The following TMEM132D variants were observed in gnomAD, a reference collection of about 807,000 sequenced individuals.
TMEM132D encodes mature OL transmembrane protein.
TMEM132D carries 21 observed loss-of-function variants against 62.3 expected under a neutral mutation model. The ratio of observed to expected loss-of-function variants is 0.34; its 90% CI spans 0.24 to 0.49. TMEM132D has a LOEUF of 0.49. Among genes scored for constraint, TMEM132D ranks in the 20% least tolerant of loss-of-function variants. TMEM132D has a pLI of 0.99. For missense variants in TMEM132D, 1,346 were observed against 1,402.8 expected (o/e 0.96, Z 0.65); for synonymous variants, 621 against 575.6 (o/e 1.08, Z -1.13).
chr12:129,392,295 C>T (rs1186333639), intron 3 of TMEM132D, among the ~76,000 whole-genome samples: 1 of 150,154 alleles, frequency 6.7e-6, no homozygotes, highest in East Asian at 2.0e-4. Flanking sequence ...GACCTCAGGG[C>T]GATCCGCCCA....
rs1053196944 is a variant in TMEM132D at position 129,217,879 on chromosome 12, C to T, written c.1300-8216G>A. Among the ~76,000 whole-genome samples, 3 of 152,256 alleles carry T rather than the reference C, an allele frequency of 2.0e-5. No individual in the cohort carries two copies. The South Asian group carries it at 6.2e-4, about 32-fold the overall frequency. ...AGATAGTTTTTGCTTTTCCTACCTC[C>T]TTTTGTATAAGAGGACATCCATTTT... On this transcript the variant is annotated intron_variant, in intron 4 of 8. Coordinates refer to ENST00000422113, the MANE Select transcript of TMEM132D (RefSeq NM_133448.3).
chr12:129,381,069 T>G (rs1159088130), intron 3 of TMEM132D, among the ~76,000 whole-genome samples: 1 of 152,198 alleles, frequency 6.6e-6, no homozygotes, highest in Non-Finnish European at 1.5e-5. Context: ...AGTAGCAACT[T>G]TGATACAAAT....
chr12:129,533,699 C>A (rs1876294168), intron 2 of TMEM132D, among the ~76,000 whole-genome samples: 1 of 152,226 alleles, frequency 6.6e-6, no homozygotes, highest in African/African-American at 2.4e-5. Context: ...TTCAACATTT[C>A]TTGCTAATAA....
intron 3 of TMEM132D, among the ~76,000 whole-genome samples, chr12:129,523,883 G>T (rs1347777804): frequency 1.3e-5 from 2 of 152,096 alleles, no homozygotes; most frequent in African/African-American, 4.8e-5. Context: ...TGTTTCTCAA[G>T]GAGGCAATGT....
chr12:129,147,563 T>C (rs949198429), intron 5 of TMEM132D, among the ~76,000 whole-genome samples: 4 of 152,148 alleles, frequency 2.6e-5, no homozygotes, highest in African/African-American at 9.7e-5. Flanking sequence ...ACCTATCATG[T>C]CTTTATAGTT....
At chr12:129,774,635 G>C (rs962056022) in intron 1 of TMEM132D, among the ~76,000 whole-genome samples, 2 of 152,188 alleles carry the variant, frequency 1.3e-5, no homozygotes, top group African/African-American at 2.4e-5. Context: ...ATTGTAATAA[G>C]AGCAGAAACT....
At chr12:129,879,096 G>A (rs1281483021) in intron 1 of TMEM132D, among the ~76,000 whole-genome samples, 1 of 152,168 alleles carries the variant, frequency 6.6e-6, no homozygotes, top group Non-Finnish European at 1.5e-5. Context: ...GTGAAATGCA[G>A]TCTATTTTCC....
At chr12:129,676,716 C>T (rs1371139582) in intron 2 of TMEM132D, among the ~76,000 whole-genome samples, 1 of 152,202 alleles carries the variant, frequency 6.6e-6, no homozygotes, top group African/African-American at 2.4e-5. Flanking sequence ...GCCCCACCTC[C>T]AACATTGTGA....
chr12:129,496,281 G>T (rs1205167705), intron 3 of TMEM132D, among the ~76,000 whole-genome samples: 1 of 152,136 alleles, frequency 6.6e-6, no homozygotes, highest in Non-Finnish European at 1.5e-5. Context: ...AGGTATATGT[G>T]CACTCACAGA....
rs573600146 is a variant in TMEM132D, at chr12:129,704,044, A to T, written c.80-3346T>A. On this transcript the variant is annotated intron_variant, in intron 1 of 8. Transcript: ENST00000422113. ...ACCTCACATAGAAAACAGAATGATT[A>T]GGGCAGCCAGATAAAACACAAACAC... Among the ~76,000 whole-genome samples the T allele has an allele frequency of 3.1e-4, 47 of 152,326 alleles. 2 individuals are homozygous for T. In the South Asian group the frequency reaches 9.1e-3, roughly 30 times the overall value.
chr12:129,768,080 C>T (rs1870612333), intron 1 of TMEM132D, among the ~76,000 whole-genome samples: 1 of 152,184 alleles, frequency 6.6e-6, no homozygotes, highest in Non-Finnish European at 1.5e-5. Flanking sequence ...TACCTGGTCC[C>T]TCCCATGACA....
chr12:129,448,629 G>A (rs1593013089), intron 3 of TMEM132D, among the ~76,000 whole-genome samples: 1 of 152,100 alleles, frequency 6.6e-6, no homozygotes, highest in African/African-American at 2.4e-5. Flanking sequence ...GTCGGTCATT[G>A]GTGAGCATTT....
intron 1 of TMEM132D, among the ~76,000 whole-genome samples, chr12:129,893,520 A>T (rs1035255456): frequency 6.6e-6 from 1 of 151,914 alleles, no homozygotes; most frequent in Non-Finnish European, 1.5e-5. Context: ...TTCAAAAGAC[A>T]GACATCTCTG....
At chr12:129,386,847 C>T (rs1263672395) in intron 3 of TMEM132D, among the ~76,000 whole-genome samples, 1 of 151,934 alleles carries the variant, frequency 6.6e-6, no homozygotes, top group Non-Finnish European at 1.5e-5. Flanking sequence ...CTAACACCAA[C>T]ACCGACACCA....
chr12:129,671,563 G>A lies in TMEM132D; in HGVS notation c.968+28247C>T, dbSNP rs953206564. 7.6e-4 allele frequency among the ~76,000 whole-genome samples: 115 copies of A among 152,248 alleles called. 1 individual carries two copies. The highest frequency in any genetic ancestry group is 2.4e-4 in the Non-Finnish European group (16 of 68,018). ...ATATGAGAAAATACAACTAGCCAAC[G>A]TGGTGAGGGCAGCTATATGGAAAAG... is the stretch of plus-strand genomic sequence containing the variant. On this transcript the variant is annotated intron_variant, in intron 2 of 8. Coordinates refer to ENST00000422113, the MANE Select transcript of TMEM132D (RefSeq NM_133448.3).
intron 2 of TMEM132D, among the ~76,000 whole-genome samples, chr12:129,604,856 G>A (rs1232551025): frequency 6.6e-6 from 1 of 152,160 alleles, no homozygotes; most frequent in Non-Finnish European, 1.5e-5. Flanking sequence ...GCTATTAGCA[G>A]ACTTAATATT....
chr12:129,676,079 TG>T (rs1565945200), intron 2 of TMEM132D, among the ~76,000 whole-genome samples: 1 of 152,130 alleles, frequency 6.6e-6, no homozygotes, highest in Admixed American at 6.6e-5. Context: ...CTCGAGAATA[TG>T]CAAGGAAGAC....
At chr12:129,478,139 G>A (rs1306449490) in intron 3 of TMEM132D, among the ~76,000 whole-genome samples, 4 of 152,120 alleles carry the variant, frequency 2.6e-5, no homozygotes, top group Non-Finnish European at 5.9e-5. Flanking sequence ...TAAAAATATG[G>A]TATAAAAGAT....
chr12:129,796,144 G>A (rs893651987), intron 1 of TMEM132D, among the ~76,000 whole-genome samples: 26 of 151,862 alleles, frequency 1.7e-4, no homozygotes, highest in African/African-American at 5.8e-4. Flanking sequence ...AGACCAGCCT[G>A]GGCAACATAC....
Sources: gnomAD v4.1 joint callset for allele counts (sites outside exome capture counted in the v4.1 genomes callset) on GRCh38, gnomAD v4.1.1 for gene constraint, MANE v1.5 for transcripts, NCBI Gene and HGNC (gene_info 2026-07-23, HGNC 2026-07-21) for gene names.